Variants in PDE1C observed in about 807,000 individuals in gnomAD.
The protein encoded by PDE1C is phosphodiesterase 1C.
PDE1C carries 62 observed loss-of-function variants against 93.1 expected under a neutral mutation model. The ratio of observed to expected loss-of-function variants is 0.67; its 90% confidence interval spans 0.54 to 0.82. The LOEUF (loss-of-function observed/expected upper bound fraction) is 0.82, where lower values mean the gene tolerates loss of function less well. Among genes scored for constraint, PDE1C ranks in the 40% least tolerant of loss-of-function variants. The pLI, the probability that PDE1C is intolerant of heterozygous loss-of-function variation, is 0.00. For synonymous variants in PDE1C, 325 were observed against 310.1 expected, an observed-to-expected ratio of 1.05 and a Z score of -0.50; for missense variants, 742 against 884.6, an observed-to-expected ratio of 0.84 and a Z score of 2.04.
intron 1 of PDE1C, among the ~76,000 whole-genome samples, chr7:32,388,597 G>A (rs1042376531): frequency 1.4e-5 from 2 of 145,902 alleles, no homozygotes; most frequent in African/African-American, 2.5e-5. Flanking sequence ...GGAGAATCAC[G>A]AGCCCAGGAG....
Position 31,823,191 on chromosome 7 carries a change from T to C in PDE1C, c.1464A>G (p.Ser488=). The C allele has an allele frequency of 6.2e-7, 1 of 1,613,334 alleles. No individual in the cohort carries two copies. The highest frequency in any genetic ancestry group is 8.5e-7 in the Non-Finnish European group (1 of 1,179,524). ...AKRSGVKTSG[S]EGSAPINNSV... ...AATTGTTGATCGGGGCACTTCCCTCTGAACCAGAGGTCTTGACACCTGATC... is the reference window on the plus strand; with the variant it reads ...AATTGTTGATCGGGGCACTTCCCTCCGAACCAGAGGTCTTGACACCTGATC... Residue 488 remains serine (S), a synonymous_variant, in exon 14 of 18, where the codon TCA becomes TCG. Transcript: ENST00000396191.
chr7:31,915,494 T>C (rs549239580), intron 2 of PDE1C, among the ~76,000 whole-genome samples: 80 of 152,252 alleles, frequency 5.3e-4, no homozygotes, highest in Non-Finnish European at 5.7e-4. Context: ...AAAATTGGCC[T>C]AGACTGATGC....
chr7:31,770,074 T>G (rs1583997456), intron 17 of PDE1C, among the ~76,000 whole-genome samples: 3 of 152,220 alleles, frequency 2.0e-5, no homozygotes, highest in Non-Finnish European at 2.9e-5. Context: ...CACTTGTTAT[T>G]TCATTTGTTT....
At chr7:32,048,146 A>C (rs555324715) in intron 2 of PDE1C, among the ~76,000 whole-genome samples, 1 of 152,204 alleles carries the variant, frequency 6.6e-6, no homozygotes, top group Non-Finnish European at 1.5e-5. Flanking sequence ...AAATCTACAG[A>C]TCCCCAGAGA....
At chr7:31,943,449 C>A (rs1426136636) in intron 2 of PDE1C, among the ~76,000 whole-genome samples, 2 of 152,062 alleles carry the variant, frequency 1.3e-5, no homozygotes, top group African/African-American at 4.8e-5. Flanking sequence ...GATTGTTGAT[C>A]CATATTCTAT....
intron 16 of PDE1C, among the ~76,000 whole-genome samples, chr7:31,796,963 G>T (rs1351324138): frequency 6.6e-6 from 1 of 151,740 alleles, no homozygotes; most frequent in Non-Finnish European, 1.5e-5. Context: ...TCCATTTATT[G>T]ACTTTTTGTT....
At chr7:32,427,176 T>C (rs1256195273) in intron 1 of PDE1C, among the ~76,000 whole-genome samples, 1 of 152,206 alleles carries the variant, frequency 6.6e-6, no homozygotes, top group African/African-American at 2.4e-5. Flanking sequence ...AATATTTGCA[T>C]AGTATTTTAC....
intron 2 of PDE1C, among the ~76,000 whole-genome samples, chr7:32,046,954 T>C (rs1792653512): frequency 6.6e-6 from 1 of 152,100 alleles, no homozygotes; most frequent in African/African-American, 2.4e-5. Context: ...AACGTGTGTC[T>C]GTAGAACTCC....
At chr7:32,284,756 G>T (rs1811890887) in intron 1 of PDE1C, among the ~76,000 whole-genome samples, 1 of 152,128 alleles carries the variant, frequency 6.6e-6, no homozygotes, top group Non-Finnish European at 1.5e-5. Flanking sequence ...TGCCAGGCTG[G>T]GCACAGTGGC....
At chr7:32,200,513 A>T (rs1171959046) in intron 2 of PDE1C, among the ~76,000 whole-genome samples, 2 of 152,174 alleles carry the variant, frequency 1.3e-5, no homozygotes, top group Non-Finnish European at 2.9e-5. Context: ...TTTATTAGAA[A>T]CATAGACCTT....
chr7:31,731,742 T>G, the PDE1C span, among the ~76,000 whole-genome samples: 1 of 151,718 alleles, frequency 6.6e-6, no homozygotes, highest in Non-Finnish European at 1.5e-5. Flanking sequence ...TCCTTTTCAC[T>G]AGCACCCGGG....
In PDE1C at chr7:32,396,596, A is replaced by C. The variant is rs77262538; in HGVS notation, c.310+31226T>G. 6.6e-5 allele frequency among the ~76,000 whole-genome samples: 10 copies of C among 152,308 alleles called. No individual in the cohort carries two copies. In the East Asian group the frequency reaches 1.9e-3, roughly 29 times the overall value. Reference sequence around the variant, plus strand: ...AAAAATAAGATGAATTGATGGATGAATAGAGAGATAAGAGATGGATAAGTA... The same window carrying C: ...AAAAATAAGATGAATTGATGGATGACTAGAGAGATAAGAGATGGATAAGTA... On this transcript the variant is annotated intron_variant, in intron 1 of 1. Transcript: ENST00000672256.
intron 2 of PDE1C, among the ~76,000 whole-genome samples, chr7:32,046,205 C>CTT (rs75414654): frequency 0.01 from 1,160 of 115,784 alleles, 10 homozygotes; most frequent in African/African-American, 0.038. Context: ...AGCCATTTGC[C>CTT]TTTTTTTTAA....
intron 1 of PDE1C, chr7:32,209,565 TTA>T: frequency 5.8e-6 from 9 of 1,543,136 alleles, no homozygotes; most frequent in Non-Finnish European, 7.9e-6. Context: ...AGGATGCAAT[TTA>T]AATAAATAAA....
chr7:31,695,685 C>T, the PDE1C span: 31 of 1,482,852 alleles, frequency 2.1e-5, no homozygotes, highest in Admixed American at 2.4e-4. Context: ...TTGCATTGTT[C>T]GTACACATTT....
At chr7:32,015,538 C>T (rs1186217904) in intron 2 of PDE1C, among the ~76,000 whole-genome samples, 2 of 152,092 alleles carry the variant, frequency 1.3e-5, no homozygotes, top group Admixed American at 6.5e-5. Flanking sequence ...CCCACCCCAC[C>T]CACCACCAAC....
At chr7:31,801,044 G>GAA (rs202103559) in intron 16 of PDE1C, among the ~76,000 whole-genome samples, 2 of 147,880 alleles carry the variant, frequency 1.4e-5, no homozygotes, top group African/African-American at 4.9e-5. Flanking sequence ...CATTAAAAAA[G>GAA]AAAAAAAAAT....
rs200519990 is a variant in PDE1C, at chr7:31,816,127, T to G, written c.1610A>C (p.Glu537Ala). The G allele has an allele frequency of 3.1e-6, 5 of 1,613,832 alleles. No homozygotes were observed. In the Admixed American group the frequency reaches 6.7e-5, roughly 22 times the overall value. Reference protein sequence around the residue: ...KEEKAKKEAEEKARLAAEEQQ... With the variant: ...KEEKAKKEAEAKARLAAEEQQ... ...CTCCTCTGCGGCCAGGCGAGCCTTT[T>G]CCTCTGCTTCCTTCTTGGCCTTCTC... Residue 537 changes from glutamate (E) to alanine (A), a missense_variant, in exon 15 of 18, where the codon GAA becomes GCA. Glu to Ala is a moderately radical substitution (Grantham distance 107, BLOSUM62 -1). Coordinates refer to ENST00000396191, the MANE Select transcript of PDE1C (RefSeq NM_001191057.4).
chr7:32,215,212 A>G (rs1338353258), intron 1 of PDE1C, among the ~76,000 whole-genome samples: 2 of 152,194 alleles, frequency 1.3e-5, no homozygotes, highest in African/African-American at 4.8e-5. Flanking sequence ...CAATGGCGGC[A>G]TTAGATTCTC....
Sources: gnomAD v4.1 joint callset for allele counts (sites outside exome capture counted in the v4.1 genomes callset) on GRCh38, gnomAD v4.1.1 for gene constraint, MANE v1.5 for transcripts, NCBI Gene and HGNC (gene_info 2026-07-23, HGNC 2026-07-21) for gene names.